TMEM51: variants seen among roughly 807,000 people sequenced by gnomAD.
The protein encoded by TMEM51 is chromosome 1 open reading frame 72.
Under a neutral mutation model 13.6 loss-of-function variants are expected in TMEM51, and 8 were observed. The observed-to-expected ratio is 0.59, with a 90% CI of 0.35 to 1.07. TMEM51 has a LOEUF of 1.07. Among genes scored for constraint, TMEM51 ranks in the 50% least tolerant of loss-of-function variants. TMEM51 has a pLI of 0.02. For missense variants in TMEM51, 279 were observed against 330.7 expected (o/e 0.84, Z 1.21); for synonymous variants, 147 against 144.4 (o/e 1.02, Z -0.13).
intron 1 of TMEM51, among the ~76,000 whole-genome samples, chr1:15,165,215 C>T (rs1443720461): frequency 2.0e-5 from 3 of 152,064 alleles, no homozygotes; most frequent in Admixed American, 1.3e-4. Context: ...TTTTGGGAGG[C>T]TGAGGTGGGA....
intron 1 of TMEM51, among the ~76,000 whole-genome samples, chr1:15,181,234 C>T (rs1643606258): frequency 6.6e-6 from 1 of 152,180 alleles, no homozygotes; most frequent in African/African-American, 2.4e-5. Context: ...TATAGAACGG[C>T]ACCCTGAACA....
At chr1:15,189,720 G>A (rs1317734929) in intron 1 of TMEM51, among the ~76,000 whole-genome samples, 3 of 152,174 alleles carry the variant, frequency 2.0e-5, no homozygotes, top group Non-Finnish European at 4.4e-5. Flanking sequence ...GGGAGTGTTG[G>A]GATGATTCCA....
At chr1:15,214,267 C>G (rs990801745) in intron 2 of TMEM51, among the ~76,000 whole-genome samples, 1 of 152,108 alleles carries the variant, frequency 6.6e-6, no homozygotes, top group African/African-American at 2.4e-5. Flanking sequence ...GGCATCTGAG[C>G]TATGGGTGAC....
intron 1 of TMEM51, among the ~76,000 whole-genome samples, chr1:15,177,176 A>G (rs552458350): frequency 2.0e-5 from 3 of 152,298 alleles, no homozygotes; most frequent in Middle Eastern, 3.4e-3. Flanking sequence ...CAAGTTTTAC[A>G]TGCAAGATCA....
chr1:15,171,123 C>G, intron 1 of TMEM51: 2 of 1,276,450 alleles, frequency 1.6e-6, no homozygotes, highest in Non-Finnish European at 1.0e-6. Flanking sequence ...CCACATCCCC[C>G]ACCCCCAGTT....
At chr1:15,176,061 T>C (rs1427450332) in intron 1 of TMEM51, among the ~76,000 whole-genome samples, 1 of 152,236 alleles carries the variant, frequency 6.6e-6, no homozygotes, top group East Asian at 1.9e-4. Flanking sequence ...TGTGATAGGT[T>C]ATCCCTTTAC....
chr1:15,184,171 C>T (rs1320553512), intron 1 of TMEM51, among the ~76,000 whole-genome samples: 2 of 86,024 alleles, frequency 2.3e-5, no homozygotes, highest in African/African-American at 3.4e-5. Context: ...CCGAGTCAGG[C>T]GTGCGCCACC....
intron 1 of TMEM51, among the ~76,000 whole-genome samples, chr1:15,193,575 C>CTTTCTTTTTTT (rs1249772503): frequency 8.7e-5 from 10 of 114,658 alleles, no homozygotes; most frequent in African/African-American, 3.6e-4. Context: ...TTCTTTCTTT[C>CTTTCTTTTTTT]TTTTTTTTTT....
chr1:15,186,446 T>C (rs1643777177), intron 1 of TMEM51, among the ~76,000 whole-genome samples: 1 of 152,184 alleles, frequency 6.6e-6, no homozygotes, highest in Non-Finnish European at 1.5e-5. Context: ...TGGATGTTTG[T>C]GACTTGCCCC....
At chr1:15,195,857 G>A (rs568048594) in intron 1 of TMEM51, among the ~76,000 whole-genome samples, 31 of 152,284 alleles carry the variant, frequency 2.0e-4, no homozygotes, top group African/African-American at 7.2e-4. Flanking sequence ...GGATTCCCAG[G>A]AGACGTGGCT....
At chr1:15,169,578 G>A (rs374699531) in intron 1 of TMEM51, among the ~76,000 whole-genome samples, 2 of 152,172 alleles carry the variant, frequency 1.3e-5, no homozygotes, top group Non-Finnish European at 2.9e-5. Context: ...GCTCATTGCA[G>A]GGAGGAAGTT....
intron 1 of TMEM51, among the ~76,000 whole-genome samples, chr1:15,173,976 A>G (rs1051912017): frequency 2.0e-5 from 3 of 152,250 alleles, no homozygotes; most frequent in Non-Finnish European, 2.9e-5. Context: ...GGGCCAGGCC[A>G]TCTGATAAAG....
intron 1 of TMEM51, among the ~76,000 whole-genome samples, chr1:15,187,010 CG>C (rs376311580): frequency 2.0e-5 from 3 of 152,102 alleles, no homozygotes; most frequent in Admixed American, 6.5e-5. Flanking sequence ...ACCCCACTGT[CG>C]GGGGGTATGT....
At chr1:15,191,680 G>A (rs908543681) in intron 1 of TMEM51, 2 of 292,244 alleles carry the variant, frequency 6.8e-6, no homozygotes, top group Non-Finnish European at 1.3e-5. Flanking sequence ...CAGCCTCCGT[G>A]TTCCTAGATC....
rs1016020387 is a variant in TMEM51, at chr1:15,207,142, T to C, written c.-266-3348T>C. Reference sequence around the variant, plus strand: ...GAACCGGGGATCCCTTTCCCAATTATGCAGCTTGGCAGGAAGAGGTCGGTG... The same window carrying C: ...GAACCGGGGATCCCTTTCCCAATTACGCAGCTTGGCAGGAAGAGGTCGGTG... On this transcript the variant is annotated intron_variant, in intron 1 of 3. Coordinates refer to ENST00000376008, the MANE Select transcript of TMEM51 (RefSeq NM_001136218.2). This position sits in a 1 kb window ranked among gnomAD's most constrained non-coding sequence, Gnocchi z 4.6. 6.6e-5 allele frequency among the ~76,000 whole-genome samples: 10 copies of C among 152,222 alleles called. No individual in the cohort carries two copies. The highest frequency in any genetic ancestry group is 2.4e-4 in the African/African-American group (10 of 41,458).
At chr1:15,213,537 GCTC>G (rs1217024335) in intron 2 of TMEM51, among the ~76,000 whole-genome samples, 2 of 152,124 alleles carry the variant, frequency 1.3e-5, no homozygotes, top group East Asian at 3.9e-4. Context: ...GGCATTGCTT[GCTC>G]CTCCTCCTCA....
intron 1 of TMEM51, among the ~76,000 whole-genome samples, chr1:15,155,607 G>C (rs1642563839): frequency 6.6e-6 from 1 of 152,200 alleles, no homozygotes; most frequent in Non-Finnish European, 1.5e-5. Context: ...GGGGAGGAAG[G>C]GTGTCTGGGC....
chr1:15,156,563 TCA>T (rs1483978202), intron 1 of TMEM51, among the ~76,000 whole-genome samples: 1 of 152,230 alleles, frequency 6.6e-6, no homozygotes, highest in Non-Finnish European at 1.5e-5. Context: ...ACTTTTGCTT[TCA>T]CTTTTGTTTC....
intron 1 of TMEM51, among the ~76,000 whole-genome samples, chr1:15,167,112 G>A (rs1265483543): frequency 1.3e-5 from 2 of 152,054 alleles, no homozygotes; most frequent in African/African-American, 4.8e-5. Context: ...CAGATCACGA[G>A]GTCAGGAGAT....
Sources: gnomAD v4.1 joint callset for allele counts (sites outside exome capture counted in the v4.1 genomes callset) on GRCh38, gnomAD v4.1.1 for gene constraint, Gnocchi (gnomAD v3.1) non-coding constraint, MANE v1.5 for transcripts, NCBI Gene and HGNC (gene_info 2026-07-23, HGNC 2026-07-21) for gene names.